SLC25A40: variants seen among roughly 807,000 people sequenced by gnomAD.
SLC25A40 encodes the protein mitochondrial glutathione transporter SLC25A40.
In SLC25A40, 41 loss-of-function variants were observed where a neutral mutation model predicts 46.5. That is an observed-to-expected ratio of 0.88 (90% confidence interval 0.69 to 1.14). SLC25A40 has a LOEUF of 1.14. SLC25A40 is among the 50% of genes most tolerant of loss of function. The pLI, the probability that SLC25A40 is intolerant of heterozygous loss-of-function variation, is 0.00. For synonymous variants in SLC25A40, 126 were observed against 127.5 expected (o/e 0.99, Z 0.08); for missense variants, 386 against 393.6 (o/e 0.98, Z 0.16).
In SLC25A40 at chr7:87,841,609, A is replaced by G. The variant is rs1208618058; in HGVS notation, c.823+24T>C. 5 of 1,386,070 alleles carry G rather than the reference A, an allele frequency of 3.6e-6. No homozygotes were observed. In the African/African-American group the frequency reaches 7.5e-5, roughly 21 times the overall value. 85.9% of individuals were successfully genotyped at this position (1,386,070 alleles called of 1,614,324 possible). A position where few individuals can be genotyped will look rare whatever the true frequency, so the allele number is the denominator to read the frequency against. ...GAAAAACAAAAATGGCATCTTAAAAATATTTTAAATTAATTAAACTTACTT... is the reference window on the plus strand; with the variant it reads ...GAAAAACAAAAATGGCATCTTAAAAGTATTTTAAATTAATTAAACTTACTT... On this transcript the variant is annotated intron_variant, in intron 10 of 11. Coordinates refer to ENST00000341119, the MANE Select transcript of SLC25A40 (RefSeq NM_018843.4).
intron 1 of SLC25A40, among the ~76,000 whole-genome samples, chr7:87,866,220 T>C (rs1395329744): frequency 6.6e-6 from 1 of 152,176 alleles, no homozygotes; most frequent in Non-Finnish European, 1.5e-5. Context: ...TCTTGTAAAA[T>C]GGGTATGGTG....
chr7:87,855,161 C>CAAAAAAAA (rs544710430), intron 4 of SLC25A40, among the ~76,000 whole-genome samples: 1 of 54,492 alleles, frequency 1.8e-5, no homozygotes. Context: ...GACCCAGTCT[C>CAAAAAAAA]AAAAAAAAAA....
intron 1 of SLC25A40, among the ~76,000 whole-genome samples, chr7:87,869,036 G>A (rs1584339772): frequency 6.6e-6 from 1 of 152,310 alleles, no homozygotes; most frequent in East Asian, 1.9e-4. Flanking sequence ...GGAAATGAAA[G>A]CCAAATATAT....
chr7:87,871,053 G>A (rs1042635000), intron 1 of SLC25A40, among the ~76,000 whole-genome samples: 1 of 152,142 alleles, frequency 6.6e-6, no homozygotes, highest in Non-Finnish European at 1.5e-5. Flanking sequence ...CCACAGGGCC[G>A]GTACAGTTTG....
rs143138649 is a variant in SLC25A40 at position 87,864,725 on chromosome 7, G to T, written c.-93-4085C>A. On this transcript the variant is annotated intron_variant, in intron 1 of 11. Transcript: ENST00000341119. ...TTATAGATTAAGTAGGTTTCTTGTG[G>T]ACAGCATATGGTTGGGTCTTGGTTT... Among the ~76,000 whole-genome samples, 91 of 152,194 alleles carry T rather than the reference G, an allele frequency of 6.0e-4. No individual in the cohort carries two copies. In the South Asian group the frequency reaches 7.1e-3, roughly 12 times the overall value.
chr7:87,858,527 A>T, intron 3 of SLC25A40, 104 bp downstream of exon 3: 1 of 696,352 alleles, frequency 1.4e-6, no homozygotes, highest in Non-Finnish European at 2.5e-6. Flanking sequence ...GCCAATACTT[A>T]TGGAAAATAG....
intron 9 of SLC25A40, among the ~76,000 whole-genome samples, chr7:87,843,163 T>C (rs1231595325): frequency 1.3e-5 from 2 of 151,832 alleles, no homozygotes; most frequent in African/African-American, 4.8e-5. Context: ...TATGTGGGTA[T>C]AAAAAAAACT....
chr7:87,844,913 T>C (rs1345134370), intron 8 of SLC25A40, among the ~76,000 whole-genome samples: 1 of 152,038 alleles, frequency 6.6e-6, no homozygotes, highest in Non-Finnish European at 1.5e-5. Flanking sequence ...ATTATTAACA[T>C]AAAGAGATGA....
rs777850854 is a variant in SLC25A40 at position 87,847,038 on chromosome 7, C to T, written c.542G>A (p.Arg181Gln). 4 of 1,613,650 alleles carry T rather than the reference C, an allele frequency of 2.5e-6. No individual in the cohort carries two copies. Among genetic ancestry groups the T allele is most frequent in the Non-Finnish European group, 8.5e-7 (1 of 1,179,854 alleles). ...SKKFSYVELH[R>Q]FVSKKVSEDG... is the part of the protein sequence containing the mutation. ...TTCAGATACTTTCTTGCTGACAAAT[C>T]GATGCAGTTCCACGTAAGAAAACTT... Residue 181 changes from arginine (R) to glutamine (Q), a missense_variant, in exon 8 of 12, where the codon CGA becomes CAA. Arg to Gln is a conservative substitution (Grantham distance 43). Coordinates refer to ENST00000341119, the MANE Select transcript of SLC25A40 (RefSeq NM_018843.4).
chr7:87,838,201 G>A (rs1260169119), intron 10 of SLC25A40, among the ~76,000 whole-genome samples: 1 of 151,444 alleles, frequency 6.6e-6, no homozygotes, highest in Non-Finnish European at 1.5e-5. Flanking sequence ...TCTAAGGAAA[G>A]TCAATGACAA....
intron 1 of SLC25A40, among the ~76,000 whole-genome samples, chr7:87,871,264 G>T (rs1838891778): frequency 6.6e-6 from 1 of 152,182 alleles, no homozygotes; most frequent in Non-Finnish European, 1.5e-5. Context: ...GCCCTATGTG[G>T]AGGCCCATTC....
rs143709180 is a variant in SLC25A40 at position 87,861,789 on chromosome 7, G to A, written c.-93-1149C>T. Among the ~76,000 whole-genome samples, 329 of 152,190 alleles carry A rather than the reference G, an allele frequency of 2.2e-3. 4 individuals carry two copies. The highest frequency in any genetic ancestry group is 0.01 in the Middle Eastern group (3 of 294). ...CCAGCAAGGTTGACAACTTGAATATGCGCACATGAAATTAAATCCAGAAAA... is the reference window on the plus strand; with the variant it reads ...CCAGCAAGGTTGACAACTTGAATATACGCACATGAAATTAAATCCAGAAAA... On this transcript the variant is annotated intron_variant, in intron 1 of 11. Coordinates refer to ENST00000341119, the MANE Select transcript of SLC25A40 (RefSeq NM_018843.4).
chr7:87,845,692 G>A (rs1441524199), intron 8 of SLC25A40, among the ~76,000 whole-genome samples: 1 of 152,096 alleles, frequency 6.6e-6, no homozygotes, highest in Non-Finnish European at 1.5e-5. Flanking sequence ...AAATGAAATT[G>A]AAAACCTATT....
chr7:87,875,294 T>C (rs1044694274), intron 1 of SLC25A40, among the ~76,000 whole-genome samples: 8 of 152,240 alleles, frequency 5.3e-5, no homozygotes, highest in Non-Finnish European at 1.0e-4. Flanking sequence ...CCCCAGGCCC[T>C]TCAACATAAA....
chr7:87,873,372 G>T (rs1838923445), intron 1 of SLC25A40, among the ~76,000 whole-genome samples: 1 of 151,056 alleles, frequency 6.6e-6, no homozygotes, highest in South Asian at 2.1e-4. Context: ...TTGTGGAGTA[G>T]ACTGAACAAT....
chr7:87,861,217 G>A (rs1257081297), intron 1 of SLC25A40, among the ~76,000 whole-genome samples: 1 of 152,090 alleles, frequency 6.6e-6, no homozygotes, highest in Non-Finnish European at 1.5e-5. Context: ...AAAAAAACGT[G>A]GCAAGGGAGA....
chr7:87,846,594 T>C (rs768980059), intron 8 of SLC25A40, among the ~76,000 whole-genome samples: 1 of 152,308 alleles, frequency 6.6e-6, no homozygotes, highest in Admixed American at 6.5e-5. Context: ...TGGTCTTAAA[T>C]GGATTCTATC....
rs1482948695 is a variant in SLC25A40 at position 87,876,138 on chromosome 7, C to T, written c.-136G>A. ...TGCAGGGCCGGCAGTCCTGGCAAAC[C>T]TAGAAGGCGGGAATAACCCTGGTGA... is the stretch of plus-strand genomic sequence containing the variant. On this transcript the variant is annotated 5_prime_UTR_variant, in exon 1 of 12. Coordinates refer to ENST00000341119, the MANE Select transcript of SLC25A40 (RefSeq NM_018843.4). The T allele has an allele frequency of 6.5e-6, 1 of 153,010 alleles. No homozygotes were observed. The highest frequency in any genetic ancestry group is 2.4e-5 in the African/African-American group (1 of 41,482). The allele number at this position is 153,010 out of a possible 1,614,324, so 9.5% of individuals were successfully genotyped here.
At chr7:87,850,768 CAAA>C (rs58374165) in intron 5 of SLC25A40, among the ~76,000 whole-genome samples, 3 of 104,440 alleles carry the variant, frequency 2.9e-5, no homozygotes, top group African/African-American at 3.6e-5. Flanking sequence ...GACCCTGTCT[CAAA>C]AAAAAAAAAG....
Sources: allele counts gnomAD v4.1 joint callset (sites outside exome capture counted in the v4.1 genomes callset), GRCh38; gene constraint gnomAD v4.1.1; transcripts MANE v1.5; gene names NCBI Gene and HGNC (gene_info 2026-07-23, HGNC 2026-07-21).